Variants in BOD1L1 observed in about 807,000 individuals in gnomAD.
The protein encoded by BOD1L1 is biorientation of chromosomes in cell division protein 1-like 1.
In BOD1L1, 86 loss-of-function variants were observed where a neutral mutation model predicts 240.7. That is an observed-to-expected ratio of 0.36 (90% CI 0.30 to 0.43). BOD1L1 has a LOEUF of 0.43. Among genes scored for constraint, BOD1L1 ranks in the 20% least tolerant of loss-of-function variants. The probability of loss-of-function intolerance (pLI) is 1.00; values close to 1 mark genes in which losing one functional copy is unlikely to be tolerated. For missense variants in BOD1L1, 3,554 were observed against 3,643.5 expected (o/e 0.98, Z 0.63); for synonymous variants, 1,268 against 1,272.3 (o/e 1.00, Z 0.07).
intron 19 of BOD1L1, among the ~76,000 whole-genome samples, chr4:13,581,969 G>A (rs1320552237): frequency 2.6e-5 from 4 of 152,084 alleles, no homozygotes; most frequent in Non-Finnish European, 5.9e-5. Flanking sequence ...TGACATTGCC[G>A]CTGACGTAGA....
At chr4:13,585,567 A>G (rs536393775) in intron 17 of BOD1L1, among the ~76,000 whole-genome samples, 16 of 152,278 alleles carry the variant, frequency 1.1e-4, no homozygotes, top group Admixed American at 9.8e-4. Flanking sequence ...GAGTCATAAG[A>G]TGAAAATAAA....
In BOD1L1 at chr4:13,603,795, C is replaced by T; in HGVS notation, c.3105G>A (p.Lys1035=). The change falls in exon 10 of 26, where the codon AAG becomes AAA. Residue 1035 remains lysine, a synonymous_variant. Coordinates refer to ENST00000040738, the MANE Select transcript of BOD1L1 (RefSeq NM_148894.3). ...LKHSSKDIKK[K]DENKSDDKDG... is the part of the protein sequence containing the mutation. ...CCTTGTCATCTGATTTATTTTCGTCCTTCTTTTTTATGTCTTTACTACTAT... is the reference window on the plus strand; with the variant it reads ...CCTTGTCATCTGATTTATTTTCGTCTTTCTTTTTTATGTCTTTACTACTAT... 1 of 1,613,218 alleles carries T rather than the reference C, an allele frequency of 6.2e-7. No homozygotes were observed. The highest frequency in any genetic ancestry group is 1.1e-5 in the South Asian group (1 of 91,002).
At position 13,600,619 on chromosome 4, in the gene BOD1L1, C is replaced by T; in HGVS notation, c.6281G>A (p.Gly2094Asp). Residue 2094 changes from glycine (G) to aspartate (D), a missense_variant, in exon 10 of 26, where the codon GGT becomes GAT. Gly to Asp is a moderately conservative substitution (Grantham distance 94, BLOSUM62 -1). This residue lies in a region of BOD1L1 where 3,393 missense variants were observed against 3,427.1 expected (regional missense o/e 0.99). Coordinates refer to ENST00000040738, the MANE Select transcript of BOD1L1 (RefSeq NM_148894.3). ...QVSAITDVEG[G>D]LSDALRTEEN... ...TTCAGTTCTCAGAGCATCTGAGAGA[C>T]CTCCTTCCACATCTGTAATTGCGCT... The T allele has an allele frequency of 6.2e-7, 1 of 1,613,872 alleles. No individual in the cohort carries two copies. The highest frequency in any genetic ancestry group is 8.5e-7 in the Non-Finnish European group (1 of 1,179,842).
intron 15 of BOD1L1, among the ~76,000 whole-genome samples, chr4:13,588,302 A>G (rs1236803134): frequency 6.6e-6 from 1 of 152,214 alleles, no homozygotes; most frequent in Non-Finnish European, 1.5e-5. Flanking sequence ...CATACAACAC[A>G]TGCTGTTTCT....
intron 12 of BOD1L1, chr4:13,592,568 C>A (rs1218102554): frequency 6.6e-6 from 1 of 152,174 alleles, no homozygotes; most frequent in Non-Finnish European, 1.5e-5. Context: ...AAAATGTTAG[C>A]TTCTTGACAA....
At position 13,614,384 on chromosome 4, in the gene BOD1L1, T is replaced by C; in HGVS notation, c.986A>G (p.Asn329Ser). ...TDKGEKKPDS[N>S]EKGERKKEKK... Reference sequence around the variant, plus strand: ...TTCTTTCTTTCTTTCTCCTTTCTCATTGCTGTCTGGCTTCTTTTCACCTTT... The same window carrying C: ...TTCTTTCTTTCTTTCTCCTTTCTCACTGCTGTCTGGCTTCTTTTCACCTTT... Residue 329 changes from asparagine to serine, a missense_variant, in exon 4 of 26, where the codon AAT becomes AGT. Transcript: ENST00000040738. 6.4e-7 allele frequency: 1 copy of C among 1,562,468 alleles called. No homozygotes were observed. Among genetic ancestry groups the C allele is most frequent in the African/African-American group, 1.4e-5 (1 of 73,880 alleles).
intron 2 of BOD1L1, among the ~76,000 whole-genome samples, chr4:13,615,857 T>C (rs773173800): frequency 1.3e-5 from 2 of 152,176 alleles, no homozygotes; most frequent in African/African-American, 2.4e-5. Context: ...AGGAATATGC[T>C]CATTAAAAAG....
In BOD1L1 at chr4:13,601,655, G is replaced by T; in HGVS notation, c.5245C>A (p.Pro1749Thr). 1 of 1,613,888 alleles carries T rather than the reference G, an allele frequency of 6.2e-7. No homozygotes were observed. The highest frequency in any genetic ancestry group is 8.5e-7 in the Non-Finnish European group (1 of 1,179,872). Reference protein sequence around the residue: ...FVICSVTGAGPREERMVTGAG... With the variant: ...FVICSVTGAGTREERMVTGAG... The stretch of plus-strand genomic sequence containing the variant: ...CCTGTAACCATGCGTTCCTCCCGGG[G>T]CCCTGCTCCAGTTACTGAGCAGATC... The change falls in exon 10 of 26, where the codon CCC becomes ACC. Residue 1749 changes from proline (P) to threonine (T), a missense_variant. Pro to Thr is a conservative substitution (Grantham distance 38). This residue lies in a region of BOD1L1 where 3,393 missense variants were observed against 3,427.1 expected (regional missense o/e 0.99). Coordinates refer to ENST00000040738, the MANE Select transcript of BOD1L1 (RefSeq NM_148894.3).
intron 17 of BOD1L1, among the ~76,000 whole-genome samples, chr4:13,583,620 T>G (rs746801453): frequency 5.9e-5 from 9 of 152,232 alleles, no homozygotes; most frequent in Non-Finnish European, 7.3e-5. Context: ...CAGATATGAT[T>G]AGATCTTCAT....
At chr4:13,605,491 G>C (rs1019163427) in intron 9 of BOD1L1, among the ~76,000 whole-genome samples, 1 of 152,124 alleles carries the variant, frequency 6.6e-6, no homozygotes, top group Non-Finnish European at 1.5e-5. Flanking sequence ...CCACAAGTAG[G>C]TGTGTTAGGA....
chr4:13,622,755 T>C (rs1717126605), intron 1 of BOD1L1, among the ~76,000 whole-genome samples: 1 of 152,230 alleles, frequency 6.6e-6, no homozygotes, highest in Non-Finnish European at 1.5e-5. Flanking sequence ...ATGTAATTTA[T>C]TGACCCATTC....
intron 11 of BOD1L1, 144 bp downstream of exon 11, chr4:13,596,960 C>A: frequency 1.6e-6 from 1 of 627,218 alleles, no homozygotes; most frequent in Non-Finnish European, 2.7e-6. Flanking sequence ...GCTTTCCCCC[C>A]ACAGGATATG....
In BOD1L1 at chr4:13,581,056, TAAAA is replaced by T; in HGVS notation, c.8669-6_8669-3del. The T allele has an allele frequency of 8.3e-7, 1 of 1,198,126 alleles. No individual in the cohort carries two copies. Among genetic ancestry groups the T allele is most frequent in the Non-Finnish European group, 1.2e-6 (1 of 868,648 alleles). The allele number at this position is 1,198,126 out of a possible 1,614,324, so 74.2% of individuals were successfully genotyped here. ...CAGTATCTGTTTTGGAGTCGTCTTCTAAAAAAAAAAAATTCACTTAGAAAATCGG... is the reference window on the plus strand; with the variant it reads ...CAGTATCTGTTTTGGAGTCGTCTTCTAAAAAAAATTCACTTAGAAAATCGG... On this transcript the variant is annotated splice_polypyrimidine_tract_variant and splice_region_variant and intron_variant, in intron 20 of 25. Transcript: ENST00000040738.
intron 1 of BOD1L1, chr4:13,623,452 T>A (rs1205099460): frequency 1.3e-5 from 2 of 152,354 alleles, no homozygotes; most frequent in African/African-American, 4.8e-5. Context: ...CAGATGCTAA[T>A]CAGTGCAAAG....
chr4:13,615,419 A>C lies in BOD1L1; in HGVS notation c.452T>G (p.Val151Gly). 6.2e-7 allele frequency: 1 copy of C among 1,613,840 alleles called. No homozygotes were observed. Among genetic ancestry groups the C allele is most frequent in the Non-Finnish European group, 8.5e-7 (1 of 1,179,784 alleles). The change falls in exon 3 of 26, where the codon GTA (valine) becomes GGA (glycine). Residue 151 changes from valine to glycine, a missense_variant. Physicochemically the swap from Val to Gly is moderately radical, Grantham distance 109. This residue lies in a region of BOD1L1 where 161 missense variants were observed against 216.4 expected (regional missense o/e 0.74). Transcript: ENST00000040738. ...CAAAAACTCATGCACAGCTTTCTCT[A>C]CCTGAGGTCTGAATGTGTGGTTGAT... ...PKINHTFRPQVEKAVHEFLAT... is the reference protein window; with the variant it reads ...PKINHTFRPQGEKAVHEFLAT...
Position 13,614,468 on chromosome 4 carries a change from A to G in BOD1L1, c.902T>C (p.Ile301Thr). The change falls in exon 4 of 26, where the codon ATT (isoleucine) becomes ACT (threonine). Residue 301 changes from isoleucine to threonine, a missense_variant. This residue lies in a region of BOD1L1 where 3,393 missense variants were observed against 3,427.1 expected (regional missense o/e 0.99). Transcript: ENST00000040738. ...KNYTKEHNNLILLNKDVQQES... is the reference protein window; with the variant it reads ...KNYTKEHNNLTLLNKDVQQES... ...CTGTTGAACATCCTTATTTAGCAGAATTAAATTATTATGCTCTTTTGTGTA... is the reference window on the plus strand; with the variant it reads ...CTGTTGAACATCCTTATTTAGCAGAGTTAAATTATTATGCTCTTTTGTGTA... The G allele has an allele frequency of 6.2e-7, 1 of 1,613,394 alleles. No homozygotes were observed. The highest frequency in any genetic ancestry group is 8.5e-7 in the Non-Finnish European group (1 of 1,179,774).
chr4:13,584,391 G>A (rs1432858011), intron 17 of BOD1L1, among the ~76,000 whole-genome samples: 1 of 149,398 alleles, frequency 6.7e-6, no homozygotes, highest in Non-Finnish European at 1.5e-5. Context: ...TGTGTGAGAT[G>A]GAGAGAGTCA....
intron 22 of BOD1L1, among the ~76,000 whole-genome samples, chr4:13,579,174 C>T (rs1241885528): frequency 6.6e-6 from 1 of 152,090 alleles, no homozygotes; most frequent in Non-Finnish European, 1.5e-5. Context: ...CATCATTTTA[C>T]CCACATTCAG....
At chr4:13,625,472 T>C (rs1717321455) in intron 1 of BOD1L1, 1 of 152,208 alleles carries the variant, frequency 6.6e-6, no homozygotes, top group Non-Finnish European at 1.5e-5. Flanking sequence ...AGGGATATTA[T>C]AGACACATAC....
Sources: gnomAD v4.1 joint callset for allele counts (sites outside exome capture counted in the v4.1 genomes callset) on GRCh38, gnomAD v4.1.1 for gene constraint, gnomAD v4.1.1 regional missense constraint, MANE v1.5 for transcripts, NCBI Gene and HGNC (gene_info 2026-07-23, HGNC 2026-07-21) for gene names.